Variants in SRBD1 observed in about 807,000 individuals in gnomAD.
SRBD1 encodes the protein S1 RNA binding domain 1, also known as S1 RNA-binding domain-containing protein 1.
In SRBD1, 88 loss-of-function variants were observed where a neutral mutation model predicts 115.3. The ratio of observed to expected loss-of-function variants is 0.76; its 90% confidence interval spans 0.64 to 0.91. The LOEUF (loss-of-function observed/expected upper bound fraction) is 0.91. Among genes scored for constraint, SRBD1 ranks in the 40% least tolerant of loss-of-function variants. SRBD1 has a pLI of 0.00. For missense variants in SRBD1, 1,385 were observed against 1,177.4 expected (o/e 1.18, Z -2.58); for synonymous variants, 509 against 407.7 (o/e 1.25, Z -2.99).
intron 19 of SRBD1, among the ~76,000 whole-genome samples, chr2:45,400,055 C>T (rs575679311): frequency 6.6e-6 from 1 of 152,216 alleles, no homozygotes; most frequent in African/African-American, 2.4e-5. Flanking sequence ...ACTATAAATG[C>T]CATCCTGTCA....
intron 18 of SRBD1, among the ~76,000 whole-genome samples, chr2:45,413,801 G>A (rs1667677063): frequency 6.6e-6 from 1 of 152,132 alleles, no homozygotes; most frequent in East Asian, 1.9e-4. Context: ...GGTGGTGCAT[G>A]CCTGCCTGTA....
chr2:45,396,128 A>G (rs1460055350), intron 19 of SRBD1, among the ~76,000 whole-genome samples: 1 of 149,920 alleles, frequency 6.7e-6, no homozygotes, highest in East Asian at 1.9e-4. Flanking sequence ...TATCATACAG[A>G]AAAAAAAAAT....
At chr2:45,610,211 G>C (rs1674401857) in intron 1 of SRBD1, among the ~76,000 whole-genome samples, 1 of 152,068 alleles carries the variant, frequency 6.6e-6, no homozygotes, top group African/African-American at 2.4e-5. Context: ...CACTAAACTA[G>C]GACGACTGCA....
At chr2:45,457,158 G>A (rs1021041244) in intron 16 of SRBD1, among the ~76,000 whole-genome samples, 1 of 151,538 alleles carries the variant, frequency 6.6e-6, no homozygotes, top group Non-Finnish European at 1.5e-5. Flanking sequence ...CTGTAACATC[G>A]CCTAATACTC....
chr2:45,523,367 G>C (rs1671347051), intron 14 of SRBD1, among the ~76,000 whole-genome samples: 1 of 148,880 alleles, frequency 6.7e-6, no homozygotes. Flanking sequence ...ACAAAGAAGA[G>C]AAAAATAATA....
chr2:45,504,342 A>G (rs978117979), intron 14 of SRBD1, among the ~76,000 whole-genome samples: 1 of 152,128 alleles, frequency 6.6e-6, no homozygotes, highest in Non-Finnish European at 1.5e-5. Context: ...TTCCCAAAAA[A>G]ATGACTTTTA....
chr2:45,548,717 C>CAAAA (rs60205757), intron 12 of SRBD1, among the ~76,000 whole-genome samples: 3 of 139,980 alleles, frequency 2.1e-5, no homozygotes, highest in Non-Finnish European at 3.1e-5. Context: ...TGAACAGATG[C>CAAAA]AAAAAAAAAA....
Position 45,393,851 on chromosome 2 carries a change from A to G in SRBD1, c.2514-722T>C, listed in dbSNP as rs193174720. Reference sequence around the variant, plus strand: ...AACAAAATGTGCATTACATATTGCCAGCTTTTGAAAAATGAATTACTCTAT... The same window carrying G: ...AACAAAATGTGCATTACATATTGCCGGCTTTTGAAAAATGAATTACTCTAT... On this transcript the variant is annotated intron_variant, in intron 19 of 20. Transcript: ENST00000263736. Among the ~76,000 whole-genome samples the G allele has an allele frequency of 2.3e-3, 355 of 152,360 alleles. 2 individuals are homozygous for G. The highest frequency in any genetic ancestry group is 7.8e-3 in the African/African-American group (325 of 41,580).
At chr2:45,533,341 T>C (rs1015023703) in intron 14 of SRBD1, among the ~76,000 whole-genome samples, 1 of 152,074 alleles carries the variant, frequency 6.6e-6, no homozygotes, top group Non-Finnish European at 1.5e-5. Context: ...CACTGGACCC[T>C]ATCTACAGAG....
chr2:45,543,474 TG>T (rs1672012136), intron 14 of SRBD1, among the ~76,000 whole-genome samples: 1 of 152,184 alleles, frequency 6.6e-6, no homozygotes, highest in African/African-American at 2.4e-5. Flanking sequence ...CTGGTAGATA[TG>T]GCTGGAAAAG....
chr2:45,394,223 T>C (rs1270030801), intron 19 of SRBD1, among the ~76,000 whole-genome samples: 1 of 152,230 alleles, frequency 6.6e-6, no homozygotes, highest in African/African-American at 2.4e-5. Context: ...ACCATTACCT[T>C]TGATTGCAAA....
In SRBD1 at chr2:45,489,584, C is replaced by G. The variant is rs567696622; in HGVS notation, c.1875-1253G>C. 2.1e-3 allele frequency among the ~76,000 whole-genome samples: 313 copies of G among 152,236 alleles called. 1 individual carries two copies. Among genetic ancestry groups the G allele is most frequent in the African/African-American group, 7.4e-3 (307 of 41,544 alleles). On this transcript the variant is annotated intron_variant, in intron 14 of 20. Transcript: ENST00000263736. ...TAAACACTACAACTGAAAAGCAAGG[C>G]TGCTTATCCTGTTTTTCATCATCAC... is the stretch of plus-strand genomic sequence containing the variant.
intron 14 of SRBD1, among the ~76,000 whole-genome samples, chr2:45,526,675 A>G (rs1368031206): frequency 1.3e-5 from 2 of 152,022 alleles, no homozygotes; most frequent in East Asian, 3.8e-4. Context: ...CAATAAAAAA[A>G]ATCAGAAATC....
In SRBD1 at chr2:45,393,018, C is replaced by A. The variant is rs1667047430; in HGVS notation, c.2625G>T (p.Leu875Phe). The stretch of plus-strand genomic sequence containing the variant: ...CCTGTAAGGTGTGTACTGTTGTTTG[C>A]AATCTTTCTGCAATTTTCTCCATTC... ...KEGMEKIAER[L>F]QTTVHTLQVI... The change falls in exon 20 of 21, where the codon TTG (leucine) becomes TTT (phenylalanine). Residue 875 changes from leucine to phenylalanine, a missense_variant. Leu to Phe is a conservative substitution (Grantham distance 22). Transcript: ENST00000263736. 2 of 1,614,026 alleles carry A rather than the reference C, an allele frequency of 1.2e-6. No homozygotes were observed. The highest frequency in any genetic ancestry group is 1.7e-6 in the Non-Finnish European group (2 of 1,179,946).
intron 16 of SRBD1, among the ~76,000 whole-genome samples, chr2:45,421,571 G>A (rs1001685037): frequency 8.0e-6 from 1 of 124,616 alleles, no homozygotes; most frequent in Non-Finnish European, 1.6e-5. Context: ...TCTTACAATT[G>A]ATGAAATGCA....
intron 1 of SRBD1, among the ~76,000 whole-genome samples, chr2:45,610,315 G>C (rs772740038): frequency 5.3e-5 from 8 of 152,108 alleles, no homozygotes; most frequent in Non-Finnish European, 8.8e-5. Flanking sequence ...AAACAAAGGA[G>C]GACAATTTCT....
At chr2:45,458,585 A>T (rs1315857853) in intron 16 of SRBD1, among the ~76,000 whole-genome samples, 3 of 152,166 alleles carry the variant, frequency 2.0e-5, no homozygotes, top group South Asian at 2.1e-4. Context: ...AAAAAGACAA[A>T]GACAGAAACA....
At chr2:45,556,587 C>T (rs1239432438) in intron 10 of SRBD1, among the ~76,000 whole-genome samples, 3 of 151,086 alleles carry the variant, frequency 2.0e-5, no homozygotes, top group Admixed American at 6.6e-5. Flanking sequence ...CTCAGCCTCC[C>T]GAGTAGCTGG....
At chr2:45,604,398 A>AGGGGGGGGGG (rs1179478169) in intron 2 of SRBD1, among the ~76,000 whole-genome samples, 3 of 140,194 alleles carry the variant, frequency 2.1e-5, no homozygotes, top group African/African-American at 8.3e-5. Context: ...GGGTGGAGGA[A>AGGGGGGGGGG]GGGGAGGGCT....
Sources: gnomAD v4.1 joint callset for allele counts (sites outside exome capture counted in the v4.1 genomes callset) on GRCh38, gnomAD v4.1.1 for gene constraint, MANE v1.5 for transcripts, NCBI Gene and HGNC (gene_info 2026-07-23, HGNC 2026-07-21) for gene names.